YTHDC1: variants seen among roughly 807,000 people sequenced by gnomAD.
YTHDC1 encodes the protein YTH domain-containing protein 1.
In YTHDC1, 12 loss-of-function variants were observed where a neutral mutation model predicts 107.0. That is an observed-to-expected ratio of 0.11 (90% CI 0.07 to 0.18). The LOEUF is 0.18. Among genes scored for constraint, YTHDC1 ranks in the 10% least tolerant of loss-of-function variants. YTHDC1 has a pLI of 1.00. For missense variants in YTHDC1, 635 were observed against 898.8 expected, an observed-to-expected ratio of 0.71 and a Z score of 3.75; for synonymous variants, 280 against 289.5, an observed-to-expected ratio of 0.97 and a Z score of 0.33.
chr4:68,344,887 T>A (rs1725246848), intron 1 of YTHDC1, among the ~76,000 whole-genome samples: 1 of 151,788 alleles, frequency 6.6e-6, no homozygotes, highest in East Asian at 1.9e-4. Context: ...AACACAAAAA[T>A]TAGTGGTGTG....
Position 68,322,257 on chromosome 4 carries a change from C to T in YTHDC1, c.1601+492G>A, listed in dbSNP as rs2109691267. Reference sequence around the variant, plus strand: ...ATGCTCCTCTTGAATATCAAAATAACTTAAAATATTTTATCCTCTAAATGA... The same window carrying T: ...ATGCTCCTCTTGAATATCAAAATAATTTAAAATATTTTATCCTCTAAATGA... On this transcript the variant is annotated intron_variant, in intron 11 of 16. Coordinates refer to ENST00000344157, the MANE Select transcript of YTHDC1 (RefSeq NM_001031732.4). This position sits in a 1 kb window ranked among gnomAD's most constrained non-coding sequence, Gnocchi z 4.8. Among the ~76,000 whole-genome samples the T allele has an allele frequency of 6.6e-6, 1 of 152,278 alleles. No homozygotes were observed. The highest frequency in any genetic ancestry group is 1.5e-5 in the Non-Finnish European group (1 of 68,018).
chr4:68,317,102 T>C lies in YTHDC1; in HGVS notation c.1825-654A>G, dbSNP rs114130580. Among the ~76,000 whole-genome samples the C allele has an allele frequency of 3.0e-3, 462 of 152,204 alleles. 2 individuals are homozygous for C. The highest frequency in any genetic ancestry group is 0.011 in the African/African-American group (440 of 41,534). ...AGCCAGGCACAGTGGCATGTGCCTG[T>C]AGTCCCACCTACTCAGGAAGCTGAG... is the stretch of plus-strand genomic sequence containing the variant. On this transcript the variant is annotated intron_variant, in intron 15 of 16. Coordinates refer to ENST00000344157, the MANE Select transcript of YTHDC1 (RefSeq NM_001031732.4).
intron 12 of YTHDC1, among the ~76,000 whole-genome samples, chr4:68,319,776 T>C (rs1485472109): frequency 6.6e-6 from 1 of 152,222 alleles, no homozygotes; most frequent in Admixed American, 6.5e-5. Context: ...CATGAAACAC[T>C]AACTACCATA....
At chr4:68,345,843 T>C (rs1725347889) in intron 1 of YTHDC1, among the ~76,000 whole-genome samples, 1 of 152,036 alleles carries the variant, frequency 6.6e-6, no homozygotes, top group African/African-American at 2.4e-5. Flanking sequence ...CACAAATATT[T>C]CCCATTGTGT....
chr4:68,349,129 C>T (rs1322468897), intron 1 of YTHDC1, among the ~76,000 whole-genome samples: 1 of 152,176 alleles, frequency 6.6e-6, no homozygotes, highest in Admixed American at 6.5e-5. Context: ...CTAAGTCACA[C>T]AGTCATCTTT....
Position 68,314,059 on chromosome 4 carries a change from T to C in YTHDC1, c.*40A>G, listed in dbSNP as rs749039491. 2 of 1,582,198 alleles carry C rather than the reference T, an allele frequency of 1.3e-6. No homozygotes were observed. Among genetic ancestry groups the C allele is most frequent in the South Asian group, 1.2e-5 (1 of 86,654 alleles). On this transcript the variant is annotated 3_prime_UTR_variant, in exon 17 of 17. Transcript: ENST00000344157. ...ACACACACAAAAAAAAAATACAAGATTTTTTGTATCTTTAAACAATCAGTG... is the reference window on the plus strand; with the variant it reads ...ACACACACAAAAAAAAAATACAAGACTTTTTGTATCTTTAAACAATCAGTG...
chr4:68,332,940 G>T, intron 5 of YTHDC1, 93 bp from the exon 6 acceptor site: 2 of 1,110,966 alleles, frequency 1.8e-6, no homozygotes, highest in Non-Finnish European at 2.7e-6. Context: ...TCTCATTCAA[G>T]ACAAATTATT....
At chr4:68,348,667 T>C (rs1362355936) in intron 1 of YTHDC1, among the ~76,000 whole-genome samples, 3 of 152,132 alleles carry the variant, frequency 2.0e-5, no homozygotes, top group South Asian at 2.1e-4. Context: ...ACTCTCCTGA[T>C]GCAGAAACCA....
Position 68,312,579 on chromosome 4 carries a change from T to C in YTHDC1, c.*1520A>G, listed in dbSNP as rs1055602388. The C allele has an allele frequency of 6.6e-6, 1 of 152,224 alleles. No individual in the cohort carries two copies. The highest frequency in any genetic ancestry group is 2.4e-5 in the African/African-American group (1 of 41,476). 9.4% of individuals were successfully genotyped at this position (152,224 alleles called of 1,614,324 possible). A position where few individuals can be genotyped will look rare whatever the true frequency, so the allele number is the denominator to read the frequency against. On this transcript the variant is annotated 3_prime_UTR_variant, in exon 17 of 17. Transcript: ENST00000344157. ...AAATCCTCAGGCTTTAGTTTTGTCA[T>C]TGTAAATAAAACTTCTGTGAATGCA...
chr4:68,317,468 G>A (rs1245340554), intron 15 of YTHDC1, among the ~76,000 whole-genome samples: 1 of 151,922 alleles, frequency 6.6e-6, no homozygotes, highest in Non-Finnish European at 1.5e-5. Context: ...TTTAAAAAAA[G>A]ACATAAATTA....
At chr4:68,326,858 TG>T (rs1413906640) in intron 9 of YTHDC1, among the ~76,000 whole-genome samples, 1 of 151,552 alleles carries the variant, frequency 6.6e-6, no homozygotes, top group Non-Finnish European at 1.5e-5. Context: ...CCCAAAGTGC[TG>T]GGATTACAGG....
At chr4:68,349,260 T>C (rs1457859208) in intron 1 of YTHDC1, among the ~76,000 whole-genome samples, 1 of 152,242 alleles carries the variant, frequency 6.6e-6, no homozygotes, top group Non-Finnish European at 1.5e-5. Flanking sequence ...TGCAGATATT[T>C]CTCAAGATTA....
intron 9 of YTHDC1, among the ~76,000 whole-genome samples, chr4:68,325,898 T>G (rs1293169885): frequency 6.6e-6 from 1 of 152,148 alleles, no homozygotes; most frequent in East Asian, 1.9e-4. Context: ...ACACCTTACT[T>G]CACCCATCAA....
At chr4:68,342,418 T>C (rs1407103646) in intron 1 of YTHDC1, among the ~76,000 whole-genome samples, 2 of 151,932 alleles carry the variant, frequency 1.3e-5, no homozygotes, top group Non-Finnish European at 2.9e-5. Flanking sequence ...CGGGAACAGG[T>C]AGAAATCCAG....
chr4:68,338,192 A>C, intron 2 of YTHDC1, 91 bp downstream of exon 2: 7 of 1,343,810 alleles, frequency 5.2e-6, no homozygotes, highest in African/African-American at 1.5e-5. Flanking sequence ...TCAAGGAACA[A>C]GCACAAAAAA....
chr4:68,337,172 TTCCTCC>T lies in YTHDC1; in HGVS notation c.732_737del (p.Glu248_Glu249del), dbSNP rs764323977. The stretch of plus-strand genomic sequence containing the variant: ...TCTCATCCTGTTCATATTCTTCTTC[TTCCTCC>T]TCCTCCTCCTCCTCTTCCTCCTCCT... On this transcript the variant is annotated inframe_deletion, in exon 4 of 17. Transcript: ENST00000344157. The T allele has an allele frequency of 8.8e-5, 141 of 1,605,706 alleles. No individual in the cohort carries two copies. The highest frequency in any genetic ancestry group is 2.5e-4 in the African/African-American group (19 of 74,626).
At chr4:68,314,934 C>T (rs1302819805) in intron 16 of YTHDC1, among the ~76,000 whole-genome samples, 1 of 152,136 alleles carries the variant, frequency 6.6e-6, no homozygotes, top group Admixed American at 6.5e-5. Context: ...TCTCTCAAAA[C>T]TTAGCTGAAA....
At chr4:68,333,148 A>G (rs540377728) in intron 5 of YTHDC1, among the ~76,000 whole-genome samples, 160 bp downstream of exon 5, 12 of 152,186 alleles carry the variant, frequency 7.9e-5, no homozygotes, top group Non-Finnish European at 1.3e-4. Context: ...GATTAAAATA[A>G]TAAGAAAAAG....
In YTHDC1 at chr4:68,350,005, G is replaced by T. The variant is rs768304180; in HGVS notation, c.-252C>A. 3.4e-6 allele frequency: 2 copies of T among 584,024 alleles called. No homozygotes were observed. The highest frequency in any genetic ancestry group is 2.9e-5 in the East Asian group (1 of 34,156). 36.2% of individuals were successfully genotyped at this position (584,024 alleles called of 1,614,324 possible). ...TAGGGCTCAGACTCGGGCTAGGTAT[G>T]GGGGAGGGAAGGGAAACAGATGGCG... On this transcript the variant is annotated 5_prime_UTR_variant, in exon 1 of 17. Coordinates refer to ENST00000344157, the MANE Select transcript of YTHDC1 (RefSeq NM_001031732.4).
Sources: gnomAD v4.1 joint callset for allele counts (sites outside exome capture counted in the v4.1 genomes callset) on GRCh38, gnomAD v4.1.1 for gene constraint, Gnocchi (gnomAD v3.1) non-coding constraint, MANE v1.5 for transcripts, NCBI Gene and HGNC (gene_info 2026-07-23, HGNC 2026-07-21) for gene names.